The following SEMA3C variants were observed in gnomAD, a reference collection of about 807,000 sequenced individuals.
SEMA3C encodes semaphorin 3C.
SEMA3C carries 47 observed loss-of-function variants against 89.4 expected under a neutral mutation model. The observed-to-expected ratio is 0.53, with a 90% CI of 0.42 to 0.67. SEMA3C has a LOEUF of 0.67. Ranked by LOEUF, SEMA3C falls within the 30% of genes least tolerant of loss-of-function variation. SEMA3C has a pLI of 0.00. For missense variants in SEMA3C, 839 were observed against 929.1 expected, an observed-to-expected ratio of 0.90 and a Z score of 1.26; for synonymous variants, 310 against 320.2, an observed-to-expected ratio of 0.97 and a Z score of 0.34.
At chr7:80,844,105 G>C (rs970175984) in intron 2 of SEMA3C, among the ~76,000 whole-genome samples, 4 of 152,126 alleles carry the variant, frequency 2.6e-5, no homozygotes, top group African/African-American at 7.2e-5. Context: ...ACACTCTCCT[G>C]TCCCCATGGA....
intron 2 of SEMA3C, among the ~76,000 whole-genome samples, chr7:80,900,097 T>C (rs1791839621): frequency 6.6e-6 from 1 of 152,102 alleles, no homozygotes; most frequent in East Asian, 1.9e-4. Flanking sequence ...TCACTTTATA[T>C]AATCTTACAT....
intron 2 of SEMA3C, among the ~76,000 whole-genome samples, chr7:80,874,023 T>C (rs1319051799): frequency 6.6e-6 from 1 of 152,240 alleles, no homozygotes; most frequent in East Asian, 1.9e-4. Flanking sequence ...TTTTTTGGAG[T>C]GGAGACAAAG....
chr7:80,863,209 T>C (rs55814663), intron 2 of SEMA3C, among the ~76,000 whole-genome samples: 15,236 of 149,648 alleles, frequency 0.1, 1,070 homozygotes, highest in African/African-American at 0.19. Flanking sequence ...TCCAGCCTGG[T>C]GACAGAGCGA....
At chr7:80,778,869 T>C (rs1157114256) in intron 12 of SEMA3C, among the ~76,000 whole-genome samples, 1 of 152,200 alleles carries the variant, frequency 6.6e-6, no homozygotes, top group East Asian at 1.9e-4. Context: ...CATTCTTTTA[T>C]TCTCCTGTTA....
chr7:80,891,412 G>A (rs1403503236), intron 2 of SEMA3C, among the ~76,000 whole-genome samples: 6 of 151,966 alleles, frequency 3.9e-5, no homozygotes, highest in Non-Finnish European at 8.8e-5. Flanking sequence ...ACAGCCTAGA[G>A]GAAGAGCTTA....
intron 2 of SEMA3C, among the ~76,000 whole-genome samples, chr7:80,914,035 CAGTAGGTAA>C (rs1584006332): frequency 6.6e-6 from 1 of 152,084 alleles, no homozygotes; most frequent in Non-Finnish European, 1.5e-5. Context: ...ACAAAAGAGC[CAGTAGGTAA>C]AGTAATTACG....
At chr7:80,772,443 A>G (rs1343642796) in intron 12 of SEMA3C, among the ~76,000 whole-genome samples, 1 of 152,236 alleles carries the variant, frequency 6.6e-6, no homozygotes, top group Non-Finnish European at 1.5e-5. Flanking sequence ...TCTCACGTTT[A>G]GCAGGGTTTC....
At chr7:80,807,197 T>C (rs768450970) in intron 6 of SEMA3C, among the ~76,000 whole-genome samples, 2 of 152,204 alleles carry the variant, frequency 1.3e-5, no homozygotes, top group Non-Finnish European at 2.9e-5. Context: ...TTTTTGTATA[T>C]TCAATTAACC....
intron 11 of SEMA3C, among the ~76,000 whole-genome samples, chr7:80,797,731 G>C (rs1235925376): frequency 2.0e-5 from 3 of 152,160 alleles, no homozygotes; most frequent in Admixed American, 6.5e-5. Context: ...CGGGTGCGGT[G>C]GCTCACGCCT....
chr7:80,832,987 A>G (rs928749210), intron 2 of SEMA3C, among the ~76,000 whole-genome samples: 1 of 152,204 alleles, frequency 6.6e-6, no homozygotes, highest in Non-Finnish European at 1.5e-5. Flanking sequence ...TTTTTTCCAA[A>G]CCATTATTTT....
upstream of SEMA3C, among the ~76,000 whole-genome samples, chr7:80,921,555 CTG>C (rs1207523724): frequency 6.6e-6 from 1 of 152,200 alleles, no homozygotes; most frequent in Admixed American, 6.5e-5. Context: ...TCAGCTTTGA[CTG>C]TCCTTACAAG....
intron 2 of SEMA3C, among the ~76,000 whole-genome samples, chr7:80,856,846 C>G (rs959980942): frequency 1.3e-5 from 2 of 152,044 alleles, no homozygotes; most frequent in Admixed American, 6.6e-5. Context: ...GATTCTGCCC[C>G]CTGTGCCACC....
chr7:80,835,683 T>C (rs1030429558), intron 2 of SEMA3C, among the ~76,000 whole-genome samples: 2 of 152,184 alleles, frequency 1.3e-5, no homozygotes, highest in African/African-American at 4.8e-5. Context: ...CCAGAGGGCA[T>C]GTTATTAAAA....
At chr7:80,904,869 AGGT>A (rs1253991172) in intron 2 of SEMA3C, among the ~76,000 whole-genome samples, 4 of 152,142 alleles carry the variant, frequency 2.6e-5, no homozygotes, top group African/African-American at 9.7e-5. Flanking sequence ...CGTACAGCCA[AGGT>A]TGAGAATCAC....
intron 10 of SEMA3C, 130 bp from the exon 11 acceptor site, chr7:80,798,366 C>A (rs1224880578): frequency 7.5e-6 from 6 of 801,842 alleles, no homozygotes. Context: ...TTATCGAACA[C>A]ATGTGAAAAG....
rs1437844918 is a variant in SEMA3C at position 80,828,698 on chromosome 7, G to A, written c.151C>T (p.Pro51Ser). The change falls in exon 3 of 18, where the codon CCT becomes TCT. Residue 51 changes from proline (P) to serine (S), a missense_variant. Transcript: ENST00000265361. ...ATTAATAAAATCCTGTAGTCTAAAG[G>A]ATGGTGGGAAAGGCTGAAGTATTCA... ...TSEYFSLSHH[P>S]LDYRILLMDE... 6.2e-7 allele frequency: 1 copy of A among 1,611,662 alleles called. No homozygotes were observed. The highest frequency in any genetic ancestry group is 8.5e-7 in the Non-Finnish European group (1 of 1,178,508).
chr7:80,832,174 A>T (rs768400635), intron 2 of SEMA3C, among the ~76,000 whole-genome samples: 5 of 152,194 alleles, frequency 3.3e-5, no homozygotes, highest in Non-Finnish European at 5.9e-5. Context: ...AAAGGGAGCC[A>T]GAAGGTGATT....
intron 2 of SEMA3C, among the ~76,000 whole-genome samples, chr7:80,871,259 T>C (rs1012199646): frequency 9.8e-5 from 15 of 152,308 alleles, no homozygotes; most frequent in Middle Eastern, 3.4e-3. Flanking sequence ...AAAAACTAAC[T>C]TTATTTCCTC....
intron 2 of SEMA3C, among the ~76,000 whole-genome samples, chr7:80,891,187 T>C (rs1333128041): frequency 6.6e-6 from 1 of 152,184 alleles, no homozygotes; most frequent in Non-Finnish European, 1.5e-5. Flanking sequence ...TTTTGTGATA[T>C]TTGGTTAATT....
Sources: gnomAD v4.1 joint callset for allele counts (sites outside exome capture counted in the v4.1 genomes callset) on GRCh38, gnomAD v4.1.1 for gene constraint, MANE v1.5 for transcripts, NCBI Gene and HGNC (gene_info 2026-07-23, HGNC 2026-07-21) for gene names.